Variants in KCTD7 observed in about 807,000 individuals in gnomAD.
KCTD7 encodes potassium channel tetramerization domain containing 7.
A neutral mutation model predicts 27.0 loss-of-function variants in KCTD7; 15 were observed. That is an observed-to-expected ratio of 0.56 (90% CI 0.37 to 0.86). The LOEUF is 0.86. Ranked by LOEUF, KCTD7 falls within the 40% of genes least tolerant of loss-of-function variation. The pLI, the probability that KCTD7 is intolerant of heterozygous loss-of-function variation, is 0.00. For missense variants in KCTD7, 299 were observed against 398.9 expected, an observed-to-expected ratio of 0.75 and a Z score of 2.13; for synonymous variants, 159 against 162.7, an observed-to-expected ratio of 0.98 and a Z score of 0.17.
intron 1 of KCTD7, 26 bp downstream of exon 1, chr7:66,629,234 G>A: frequency 7.6e-7 from 1 of 1,316,634 alleles, no homozygotes; most frequent in Non-Finnish European, 9.7e-7. Flanking sequence ...GCGGGCCGCG[G>A]GGCGTGGGGA....
chr7:66,638,001 A>C (rs1314759041), intron 2 of KCTD7, among the ~76,000 whole-genome samples: 4 of 152,240 alleles, frequency 2.6e-5, no homozygotes, highest in Non-Finnish European at 5.9e-5. Context: ...TGATAACAAC[A>C]ACTAATAACA....
rs1468180731 is a variant in KCTD7, at chr7:66,642,656, T to C, written c.*3424T>C. On this transcript the variant is annotated 3_prime_UTR_variant, in exon 4 of 4. Coordinates refer to ENST00000639828, the MANE Select transcript of KCTD7 (RefSeq NM_153033.5). ...TACATTATTAAGCTTTCTTGGGTACTATTTTGCTGGGGCTCTTGCGTGAAG... is the reference window on the plus strand; with the variant it reads ...TACATTATTAAGCTTTCTTGGGTACCATTTTGCTGGGGCTCTTGCGTGAAG... 1 of 985,338 alleles carries C rather than the reference T, an allele frequency of 1.0e-6. No homozygotes were observed. Among genetic ancestry groups the C allele is most frequent in the Non-Finnish European group, 1.2e-6 (1 of 829,944 alleles). 61.0% of individuals were successfully genotyped at this position (985,338 alleles called of 1,614,324 possible). A position where few individuals can be genotyped will look rare whatever the true frequency, so the allele number is the denominator to read the frequency against.
chr7:66,633,557 A>C (rs1786505777), intron 2 of KCTD7, 113 bp downstream of exon 2: 2 of 999,454 alleles, frequency 2.0e-6, no homozygotes, highest in African/African-American at 3.2e-5. Flanking sequence ...TAGCATATTG[A>C]TGAAATTTAA....
chr7:66,634,418 A>AGTGCCTGGGCACTACTG (rs1210969705), intron 2 of KCTD7, among the ~76,000 whole-genome samples: 62 of 151,440 alleles, frequency 4.1e-4, no homozygotes, highest in African/African-American at 1.5e-3. Context: ...GGTGGAATGT[A>AGTGCCTGGGCACTACTG]GTGGTTGTTC....
intron 2 of KCTD7, among the ~76,000 whole-genome samples, chr7:66,636,070 A>G (rs1786577782): frequency 6.6e-6 from 1 of 152,224 alleles, no homozygotes; most frequent in Non-Finnish European, 1.5e-5. Context: ...TTGGCTGATG[A>G]GCTCCTGTGA....
Position 66,638,371 on chromosome 7 carries a change from C to G in KCTD7, c.433C>G (p.Gln145Glu). The part of the protein sequence containing the change: ...GPLLEQLENM[Q>E]PLKGEKVRQA... ...CCTCCTGGAGCAGCTGGAGAACATG[C>G]AGCCACTGAAGGGCGAGAAGGTGCG... Residue 145 changes from glutamine to glutamate, a missense_variant, in exon 3 of 4, where the codon CAG (glutamine) becomes GAG (glutamate). Gln to Glu is a conservative substitution (Grantham distance 29). Coordinates refer to ENST00000639828, the MANE Select transcript of KCTD7 (RefSeq NM_153033.5). 6.2e-7 allele frequency: 1 copy of G among 1,614,248 alleles called. No individual in the cohort carries two copies. Among genetic ancestry groups the G allele is most frequent in the Non-Finnish European group, 8.5e-7 (1 of 1,180,050 alleles).
In KCTD7 at chr7:66,629,092, G is replaced by C. The variant is rs1351876865; in HGVS notation, c.28G>C (p.Asp10His). MVVVTGREP[D>H]SRRQDGAMSS... ...GGTGGTAGTCACGGGGCGGGAGCCAGACAGCCGTCGTCAGGACGGTGCCAT... is the reference window on the plus strand; with the variant it reads ...GGTGGTAGTCACGGGGCGGGAGCCACACAGCCGTCGTCAGGACGGTGCCAT... Residue 10 changes from aspartate to histidine, a missense_variant, in exon 1 of 4, where the codon GAC becomes CAC. Coordinates refer to ENST00000639828, the MANE Select transcript of KCTD7 (RefSeq NM_153033.5). The C allele has an allele frequency of 6.5e-7, 1 of 1,535,068 alleles. No individual in the cohort carries two copies. Among genetic ancestry groups the C allele is most frequent in the Admixed American group, 2.0e-5 (1 of 49,148 alleles).
At position 66,642,806 on chromosome 7, in the gene KCTD7, A is replaced by G; in HGVS notation, c.*3574A>G. The G allele has an allele frequency of 1.0e-6, 1 of 985,296 alleles. No individual in the cohort carries two copies. Among genetic ancestry groups the G allele is most frequent in the Non-Finnish European group, 1.2e-6 (1 of 829,916 alleles). 61.0% of individuals were successfully genotyped at this position (985,296 alleles called of 1,614,324 possible). A position where few individuals can be genotyped will look rare whatever the true frequency, so the allele number is the denominator to read the frequency against. On this transcript the variant is annotated 3_prime_UTR_variant, in exon 4 of 4. Coordinates refer to ENST00000639828, the MANE Select transcript of KCTD7 (RefSeq NM_153033.5). ...AAGAATCATATCTGTGTATATACAT[A>G]CTGAGTGGGGAAGGATGGGGGTTGG...
At position 66,639,905 on chromosome 7, in the gene KCTD7, A is replaced by C. The variant is rs1228710471; in HGVS notation, c.*673A>C. 3 of 1,247,164 alleles carry C rather than the reference A, an allele frequency of 2.4e-6. No homozygotes were observed. The highest frequency in any genetic ancestry group is 3.0e-6 in the Non-Finnish European group (3 of 997,336). 77.3% of individuals were successfully genotyped at this position (1,247,164 alleles called of 1,614,324 possible). On this transcript the variant is annotated 3_prime_UTR_variant, in exon 4 of 4. Coordinates refer to ENST00000639828, the MANE Select transcript of KCTD7 (RefSeq NM_153033.5). The stretch of plus-strand genomic sequence containing the variant: ...GGCCTTAGAAAACCACAATGTTTAC[A>C]GCCCTGTCTTAGGGCCGCGGCTTCT...
In KCTD7 at chr7:66,628,918, G is replaced by A. The variant is rs1455937683; in HGVS notation, c.-147G>A. 3 of 741,726 alleles carry A rather than the reference G, an allele frequency of 4.0e-6. No homozygotes were observed. The highest frequency in any genetic ancestry group is 5.7e-6 in the Non-Finnish European group (3 of 523,958). 45.9% of individuals were successfully genotyped at this position (741,726 alleles called of 1,614,324 possible). ...GCGGGTCGGCGTTGAGGGAGCCACC[G>A]CCCTCCCGCCTGCGCACTGCCTCTC... is the stretch of plus-strand genomic sequence containing the variant. On this transcript the variant is annotated 5_prime_UTR_variant, in exon 1 of 4. Coordinates refer to ENST00000639828, the MANE Select transcript of KCTD7 (RefSeq NM_153033.5).
chr7:66,640,301 CCTCA>C lies in KCTD7; in HGVS notation c.*1073_*1076del. 6.6e-7 allele frequency: 1 copy of C among 1,526,056 alleles called. No homozygotes were observed. Among genetic ancestry groups the C allele is most frequent in the Non-Finnish European group, 8.8e-7 (1 of 1,141,132 alleles). 94.5% of individuals were successfully genotyped at this position (1,526,056 alleles called of 1,614,324 possible). A position where few individuals can be genotyped will look rare whatever the true frequency, so the allele number is the denominator to read the frequency against. On this transcript the variant is annotated 3_prime_UTR_variant, in exon 4 of 4. Coordinates refer to ENST00000639828, the MANE Select transcript of KCTD7 (RefSeq NM_153033.5). ...GACAAAACTTCCCTTTTGTTTTACT[CCTCA>C]CTCCTCTATTTTTGTTTTACTCACT...
chr7:66,639,689 T>C lies in KCTD7; in HGVS notation c.*457T>C. The C allele has an allele frequency of 1.6e-6, 2 of 1,254,624 alleles. No individual in the cohort carries two copies. The highest frequency in any genetic ancestry group is 3.0e-5 in the African/African-American group (2 of 66,106). The allele number at this position is 1,254,624 out of a possible 1,614,324, so 77.7% of individuals were successfully genotyped here. ...TGAACACGGAACATGATGGGGGATT[T>C]ACCTGACCAGCCACCCCATAGCCCC... On this transcript the variant is annotated 3_prime_UTR_variant, in exon 4 of 4. Transcript: ENST00000639828.
intron 1 of KCTD7, among the ~76,000 whole-genome samples, chr7:66,632,356 A>C (rs569585934): frequency 1.1e-4 from 16 of 151,934 alleles, no homozygotes; most frequent in African/African-American, 2.7e-4. Flanking sequence ...TCGTGGTGGC[A>C]GGCACCTGTA....
chr7:66,629,347 A>G, intron 1 of KCTD7, 139 bp downstream of exon 1: 3 of 482,832 alleles, frequency 6.2e-6, no homozygotes, highest in East Asian at 5.6e-5. Flanking sequence ...TCCCCCGCCC[A>G]CCTGCAACTC....
At position 66,641,707 on chromosome 7, in the gene KCTD7, A is replaced by G. The variant is rs1362998207; in HGVS notation, c.*2475A>G. On this transcript the variant is annotated 3_prime_UTR_variant, in exon 4 of 4. Transcript: ENST00000639828. The stretch of plus-strand genomic sequence containing the variant: ...GCAGCAAGCTGAGAGCTCTTTCTAA[A>G]TGGAGTGAAGGAATTCAGTGGCCTA... 1.2e-5 allele frequency: 12 copies of G among 985,316 alleles called. No homozygotes were observed. In the South Asian group the frequency reaches 3.3e-4, roughly 27 times the overall value. 61.0% of individuals were successfully genotyped at this position (985,316 alleles called of 1,614,324 possible). A position where few individuals can be genotyped will look rare whatever the true frequency, so the allele number is the denominator to read the frequency against.
chr7:66,629,641 G>A (rs1035415794), intron 1 of KCTD7, among the ~76,000 whole-genome samples: 1 of 152,102 alleles, frequency 6.6e-6, no homozygotes, highest in African/African-American at 2.4e-5. Context: ...TTGGAGGCCA[G>A]CCTGGGCAAC....
Position 66,628,973 on chromosome 7 carries a change from G to A in KCTD7, c.-92G>A, listed in dbSNP as rs1376010775. ...CCCTCCGGCCAGCCCGCAGCCGGCCGCGTCATGCCAGGCGCTGCTCGGCGG... is the reference window on the plus strand; with the variant it reads ...CCCTCCGGCCAGCCCGCAGCCGGCCACGTCATGCCAGGCGCTGCTCGGCGG... On this transcript the variant is annotated 5_prime_UTR_variant, in exon 1 of 4. Coordinates refer to ENST00000639828, the MANE Select transcript of KCTD7 (RefSeq NM_153033.5). 6 of 1,316,150 alleles carry A rather than the reference G, an allele frequency of 4.6e-6. No individual in the cohort carries two copies. Among genetic ancestry groups the A allele is most frequent in the Non-Finnish European group, 5.0e-6 (5 of 998,588 alleles). 81.5% of individuals were successfully genotyped at this position (1,316,150 alleles called of 1,614,324 possible). A position where few individuals can be genotyped will look rare whatever the true frequency, so the allele number is the denominator to read the frequency against.
At chr7:66,631,424 T>C (rs937131397) in intron 1 of KCTD7, among the ~76,000 whole-genome samples, 33 of 152,118 alleles carry the variant, frequency 2.2e-4, no homozygotes, top group African/African-American at 7.7e-4. Context: ...CAAAAATTAG[T>C]TGGGTGTGGC....
At position 66,642,138 on chromosome 7, in the gene KCTD7, G is replaced by A; in HGVS notation, c.*2906G>A. On this transcript the variant is annotated 3_prime_UTR_variant, in exon 4 of 4. Transcript: ENST00000639828. ...AACAAAATTCCTTAAAAATAAAAAA[G>A]CTAATGTTATAGCAACAAAAAAAGA... 1 of 985,360 alleles carries A rather than the reference G, an allele frequency of 1.0e-6. No individual in the cohort carries two copies. Among genetic ancestry groups the A allele is most frequent in the Non-Finnish European group, 1.2e-6 (1 of 829,914 alleles). 61.0% of individuals were successfully genotyped at this position (985,360 alleles called of 1,614,324 possible).
Sources: gnomAD v4.1 joint callset for allele counts (sites outside exome capture counted in the v4.1 genomes callset) on GRCh38, gnomAD v4.1.1 for gene constraint, MANE v1.5 for transcripts, NCBI Gene and HGNC (gene_info 2026-07-23, HGNC 2026-07-21) for gene names.